Variants in KAT5 observed in about 807,000 individuals in gnomAD.
The protein encoded by KAT5 is histone acetyltransferase KAT5.
In KAT5, 31 loss-of-function variants were observed where a neutral mutation model predicts 68.1. The observed-to-expected ratio is 0.46, with a 90% CI of 0.34 to 0.61. The LOEUF (loss-of-function observed/expected upper bound fraction) is 0.61. Among genes scored for constraint, KAT5 ranks in the 20% least tolerant of loss-of-function variants. The pLI is 0.01. For synonymous variants in KAT5, 365 were observed against 292.6 expected (o/e 1.25, Z -2.52); for missense variants, 451 against 725.5 (o/e 0.62, Z 4.35).
At chr11:65,714,127 T>C (rs866414151) in intron 6 of KAT5, 1 of 518,094 alleles carries the variant, frequency 1.9e-6, no homozygotes, top group African/African-American at 1.9e-5. Flanking sequence ...GGTGAAACCT[T>C]GTTTCTACTA....
Position 65,712,645 on chromosome 11 carries a change from C to G in KAT5, c.179-121C>G, listed in dbSNP as rs1277107591. ...GGGTGGCACTTGTGACTGAAGGAGG[C>G]TTAGGAGAGACCTAAGTGCTGGAGC... On this transcript the variant is annotated intron_variant, in intron 1 of 12. Transcript: ENST00000341318. 2.3e-6 allele frequency: 3 copies of G among 1,322,558 alleles called. No homozygotes were observed. The East Asian group carries it at 7.0e-5, about 31-fold the overall frequency. 81.9% of individuals were successfully genotyped at this position (1,322,558 alleles called of 1,614,324 possible). A position where few individuals can be genotyped will look rare whatever the true frequency, so the allele number is the denominator to read the frequency against.
rs1043659303 is a variant in KAT5 at position 65,712,685 on chromosome 11, TG to T, written c.179-76del. ...AGTGCTGGAGCTTAGGGATCCGGCC[TG>T]GGGGTGGAGTTCAGGTCGTGGAAGG... On this transcript the variant is annotated intron_variant, in intron 1 of 12. Transcript: ENST00000341318. 130 of 1,520,016 alleles carry T rather than the reference TG, an allele frequency of 8.6e-5. 1 individual carries two copies. In the South Asian group the frequency reaches 1.1e-3, roughly 12 times the overall value. 94.2% of individuals were successfully genotyped at this position (1,520,016 alleles called of 1,614,324 possible).
In KAT5 at chr11:65,712,788, G is replaced by A; in HGVS notation, c.201G>A (p.Val67=). 1 of 1,614,140 alleles carries A rather than the reference G, an allele frequency of 6.2e-7. No homozygotes were observed. The highest frequency in any genetic ancestry group is 8.5e-7 in the Non-Finnish European group (1 of 1,180,028). Residue 67 remains valine (V), a synonymous_variant, in exon 2 of 13, where the codon GTG becomes GTA. Transcript: ENST00000341318. ...DEWPLAEILS[V]KDISGRKLFY... ...TAGCCCTGGCCGAGATCCTGAGCGT[G>A]AAGGACATCAGTGGCCGGAAGCTTT... is the stretch of plus-strand genomic sequence containing the variant.
At position 65,713,444 on chromosome 11, in the gene KAT5, G is replaced by C; in HGVS notation, c.481G>C (p.Gly161Arg). The part of the protein sequence containing the change: ...LPKEREAIPG[G>R]EPDQPLSSSS... ...CAAGGAGCGGGAGGCCATTCCCGGT[G>C]GCGAGCCTGACCAGCCGCTCTCCTC... Residue 161 changes from glycine to arginine, a missense_variant, in exon 4 of 13, where the codon GGC becomes CGC. Physicochemically the swap from Gly to Arg is moderately radical, Grantham distance 125. Coordinates refer to ENST00000341318, the MANE Select transcript of KAT5 (RefSeq NM_182710.3). 6.2e-7 allele frequency: 1 copy of C among 1,614,132 alleles called. No individual in the cohort carries two copies. The highest frequency in any genetic ancestry group is 8.5e-7 in the Non-Finnish European group (1 of 1,180,016).
At chr11:65,718,487 C>CGT in intron 10 of KAT5, 103 bp from the exon 11 acceptor site, 2 of 1,204,602 alleles carry the variant, frequency 1.7e-6, no homozygotes, top group South Asian at 1.4e-5. Context: ...GTGGCAGGGC[C>CGT]ATGATAGGAA....
At chr11:65,713,749 C>A in intron 5 of KAT5, 25 bp from the exon 6 acceptor site, 1 of 1,613,618 alleles carries the variant, frequency 6.2e-7, no homozygotes, top group Non-Finnish European at 8.5e-7. Flanking sequence ...CACAGCCATC[C>A]CTTCTTTTCC....
At position 65,717,006 on chromosome 11, in the gene KAT5, G is replaced by A. The variant is rs181188493; in HGVS notation, c.1264+24G>A. 3,017 of 1,568,782 alleles carry A rather than the reference G, an allele frequency of 1.9e-3. 10 individuals carry two copies. Among genetic ancestry groups the A allele is most frequent in the Non-Finnish European group, 2.2e-3 (2,562 of 1,138,748 alleles). On this transcript the variant is annotated intron_variant, in intron 10 of 12. Coordinates refer to ENST00000341318, the MANE Select transcript of KAT5 (RefSeq NM_182710.3). ...CAGTGAGTATGTGTGCTGCGGCCAG[G>A]GGGTAGTGGACCCACTATCGGTGCC... is the stretch of plus-strand genomic sequence containing the variant.
chr11:65,712,504 G>A (rs752052309), intron 1 of KAT5, 59 bp downstream of exon 1: 31 of 1,543,374 alleles, frequency 2.0e-5, no homozygotes, highest in African/African-American at 2.8e-5. Context: ...GGAGTCAACT[G>A]AAATCCCGGG....
chr11:65,718,437 G>A, intron 10 of KAT5, 153 bp from the exon 11 acceptor site: 1 of 739,506 alleles, frequency 1.4e-6, no homozygotes, highest in Non-Finnish European at 2.3e-6. Context: ...CTTCCTGAGG[G>A]AACTGAGGCA....
At chr11:65,714,445 C>T (rs1565207916) in intron 6 of KAT5, 50 bp from the exon 7 acceptor site, 1 of 1,592,536 alleles carries the variant, frequency 6.3e-7, no homozygotes, top group South Asian at 1.1e-5. Context: ...GCTGTGGTGT[C>T]CTGCTGAGCT....
chr11:65,713,452 T>C lies in KAT5; in HGVS notation c.489T>C (p.Pro163=), dbSNP rs1191581368. The C allele has an allele frequency of 1.2e-6, 2 of 1,614,134 alleles. No homozygotes were observed. Among genetic ancestry groups the C allele is most frequent in the South Asian group, 1.1e-5 (1 of 91,076 alleles). ...GGGAGGCCATTCCCGGTGGCGAGCCTGACCAGCCGCTCTCCTCCAGCTCCT... is the reference window on the plus strand; with the variant it reads ...GGGAGGCCATTCCCGGTGGCGAGCCCGACCAGCCGCTCTCCTCCAGCTCCT... The part of the protein sequence containing the change: ...KEREAIPGGE[P]DQPLSSSSCL... The change falls in exon 4 of 13, where the codon CCT becomes CCC. Residue 163 remains proline (P), a synonymous_variant. Coordinates refer to ENST00000341318, the MANE Select transcript of KAT5 (RefSeq NM_182710.3).
chr11:65,719,219 G>T lies in KAT5; in HGVS notation c.*38G>T, dbSNP rs771838298. The T allele has an allele frequency of 1.9e-6, 3 of 1,605,810 alleles. No individual in the cohort carries two copies. Among genetic ancestry groups the T allele is most frequent in the East Asian group, 2.2e-5 (1 of 44,834 alleles). The stretch of plus-strand genomic sequence containing the variant: ...CACTGCAGTGCCAAGACGGCAGCAG[G>T]ACTGGGGCTGATAGCCCACCCCGCC... On this transcript the variant is annotated 3_prime_UTR_variant, in exon 13 of 13. Transcript: ENST00000341318.
chr11:65,719,401 T>G lies in KAT5; in HGVS notation c.*220T>G, dbSNP rs1857321216. 1.4e-5 allele frequency: 9 copies of G among 624,298 alleles called. No homozygotes were observed. The highest frequency in any genetic ancestry group is 5.9e-5 in the South Asian group (3 of 50,818). The allele number at this position is 624,298 out of a possible 1,614,324, so 38.7% of individuals were successfully genotyped here. The stretch of plus-strand genomic sequence containing the variant: ...GGTCAGCTGGCCACAGGCCCAGGCC[T>G]CCTCTGAAGCAGGGACCAGAGGGAG... On this transcript the variant is annotated 3_prime_UTR_variant, in exon 13 of 13. Coordinates refer to ENST00000341318, the MANE Select transcript of KAT5 (RefSeq NM_182710.3).
At position 65,712,380 on chromosome 11, in the gene KAT5, G is replaced by T; in HGVS notation, c.113G>T (p.Gly38Val). 6.3e-7 allele frequency: 1 copy of T among 1,580,954 alleles called. No homozygotes were observed. ...CCTGGCGTCGCGCTGTCTCCCCAGG[G>T]GGAGATAATCGAGGGCTGCCGCCTA... is the stretch of plus-strand genomic sequence containing the variant. ...ADPGVALSPQ[G>V]EIIEGCRLPV... Residue 38 changes from glycine to valine, a missense_variant, in exon 1 of 13, where the codon GGG becomes GTG. Physicochemically the swap from Gly to Val is moderately radical, Grantham distance 109 (BLOSUM62 -3). Around this residue, in one of 4 missense-constraint regions of KAT5, gnomAD observed 104 missense variants for 107.3 expected, o/e 0.97. Coordinates refer to ENST00000341318, the MANE Select transcript of KAT5 (RefSeq NM_182710.3).
In KAT5 at chr11:65,716,664, CAG is replaced by C; in HGVS notation, c.1030_1031del. On this transcript the variant is annotated splice_acceptor_variant, in intron 8 of 12. Transcript: ENST00000341318. LOFTEE classifies it high-confidence loss of function. The stretch of plus-strand genomic sequence containing the variant: ...GAGTGGTGACAAGCCTTTTCTCTTG[CAG>C]AGTTATTCCCAGAACCTGTGTCTTT... The C allele has an allele frequency of 2.5e-6, 4 of 1,613,526 alleles. No homozygotes were observed. Among genetic ancestry groups the C allele is most frequent in the Non-Finnish European group, 3.4e-6 (4 of 1,179,816 alleles).
chr11:65,712,708 A>C, intron 1 of KAT5, 58 bp from the exon 2 acceptor site: 2 of 1,585,540 alleles, frequency 1.3e-6, no homozygotes, highest in Non-Finnish European at 1.7e-6. Context: ...CAGGTCGTGG[A>C]AGGGTGGAGT....
chr11:65,714,775 G>C lies in KAT5; in HGVS notation c.939+32G>C, dbSNP rs746322226. On this transcript the variant is annotated intron_variant, in intron 7 of 12. Transcript: ENST00000341318. ...GGGGTCCAGGGAGGCTGCCTTCCCA[G>C]CACCCTCCACGTTGCCCTTGTTCCT... 4.3e-6 allele frequency: 7 copies of C among 1,614,200 alleles called. No homozygotes were observed. In the South Asian group the frequency reaches 7.7e-5, roughly 18 times the overall value.
chr11:65,712,850 G>A lies in KAT5; in HGVS notation c.247+16G>A, dbSNP rs913587172. On this transcript the variant is annotated intron_variant, in intron 2 of 12. Transcript: ENST00000341318. ...TACATTGACTGTGAGTTCTGGGCCT[G>A]AGGTGGGGCATCAGGGTAGGGTTGG... is the stretch of plus-strand genomic sequence containing the variant. 12 of 1,614,062 alleles carry A rather than the reference G, an allele frequency of 7.4e-6. No individual in the cohort carries two copies. The highest frequency in any genetic ancestry group is 1.7e-5 in the Admixed American group (1 of 60,008).
intron 6 of KAT5, chr11:65,714,073 T>C (rs488170): frequency 0.89 from 504,016 of 568,002 alleles, 224,615 homozygotes; most frequent in Non-Finnish European, 0.92. Flanking sequence ...CCAAGGCTGG[T>C]GGATCACCTG....
Sources: allele counts gnomAD v4.1 joint callset, GRCh38; gene constraint gnomAD v4.1.1; regional missense constraint gnomAD v4.1.1; transcripts MANE v1.5; gene names NCBI Gene and HGNC (gene_info 2026-07-23, HGNC 2026-07-21).